CASKIN2: variants seen among roughly 807,000 people sequenced by gnomAD.
CASKIN2 encodes the protein CASK interacting protein 2, also known as caskin-2.
In CASKIN2, 41 loss-of-function variants were observed where a neutral mutation model predicts 107.1. That is an observed-to-expected ratio of 0.38 (90% confidence interval 0.30 to 0.50). The LOEUF is 0.50. Ranked by LOEUF, CASKIN2 falls within the 20% of genes least tolerant of loss-of-function variation. The pLI, the probability that CASKIN2 is intolerant of heterozygous loss-of-function variation, is 0.92. For synonymous variants in CASKIN2, 724 were observed against 705.6 expected, an observed-to-expected ratio of 1.03 and a Z score of -0.41; for missense variants, 1,546 against 1,657.4, an observed-to-expected ratio of 0.93 and a Z score of 1.17.
rs761708343 is a variant in CASKIN2 at position 75,503,891 on chromosome 17, G to A, written c.1539C>T (p.Ala513=). The A allele has an allele frequency of 2.4e-5, 39 of 1,612,622 alleles. 1 individual carries two copies. The highest frequency in any genetic ancestry group is 6.7e-5 in the East Asian group (3 of 44,868). Residue 513 remains alanine (A), a synonymous_variant, in exon 15 of 20, where the codon GCC becomes GCT. Transcript: ENST00000321617. Reference sequence around the variant, plus strand: ...GGCTGATGGTAGGCACATCATAGCCGGCCTGCAGAAAGTGGGCAGTGTAGC... The same window carrying A: ...GGCTGATGGTAGGCACATCATAGCCAGCCTGCAGAAAGTGGGCAGTGTAGC... ...LEGYTAHFLQ[A]GYDVPTISRM... is the part of the protein sequence containing the mutation.
chr17:75,514,053 G>C lies in CASKIN2; in HGVS notation c.-249C>G, dbSNP rs1015077278. 2 of 584,186 alleles carry C rather than the reference G, an allele frequency of 3.4e-6. No individual in the cohort carries two copies. The highest frequency in any genetic ancestry group is 3.7e-5 in the African/African-American group (2 of 53,638). The allele number at this position is 584,186 out of a possible 1,614,324, so 36.2% of individuals were successfully genotyped here. On this transcript the variant is annotated 5_prime_UTR_variant, in exon 2 of 20. It adds an upstream start codon to the 5' untranslated region. Transcript: ENST00000321617. ...GGGGTGAAGGCTACATGGAAATCTG[G>C]ATGGATATCAGCTTGTGGCTTCCGA...
chr17:75,506,278 T>C lies in CASKIN2; in HGVS notation c.726+27A>G. On this transcript the variant is annotated intron_variant, in intron 8 of 19. Transcript: ENST00000321617. This position sits in a 1 kb window ranked among gnomAD's most constrained non-coding sequence, Gnocchi z 4.8. The stretch of plus-strand genomic sequence containing the variant: ...ACAGGGCAGAGGCTCCATGGACACC[T>C]GCGAGGGAGCAGGGGCCCATACCCA... 3 of 1,576,016 alleles carry C rather than the reference T, an allele frequency of 1.9e-6. No homozygotes were observed. The highest frequency in any genetic ancestry group is 2.6e-6 in the Non-Finnish European group (3 of 1,150,184).
intron 2 of CASKIN2, among the ~76,000 whole-genome samples, chr17:75,512,860 A>T (rs1271959357): frequency 6.6e-6 from 1 of 151,008 alleles, no homozygotes; most frequent in Non-Finnish European, 1.5e-5. Context: ...AGATCATGCC[A>T]CTGCACTCCA....
Position 75,505,254 on chromosome 17 carries a change from T to C in CASKIN2, c.931-181A>G. ...CCTGCTGCCAGCAGCCAGCTCAATC[T>C]CCCCTGTGCCTCCAGGGCGAGCCCC... On this transcript the variant is annotated intron_variant, in intron 10 of 19. Coordinates refer to ENST00000321617, the MANE Select transcript of CASKIN2 (RefSeq NM_020753.5). This position sits in a 1 kb window ranked among gnomAD's most constrained non-coding sequence, Gnocchi z 5.1. 2 of 715,650 alleles carry C rather than the reference T, an allele frequency of 2.8e-6. No homozygotes were observed. Among genetic ancestry groups the C allele is most frequent in the Non-Finnish European group, 2.3e-6 (1 of 434,260 alleles). The allele number at this position is 715,650 out of a possible 1,614,324, so 44.3% of individuals were successfully genotyped here.
rs755722677 is a variant in CASKIN2 at position 75,513,702 on chromosome 17, G to C, written c.94+9C>G. ...CCTCAGCGGGATGCTCGTCCCACCC[G>C]GTACTCACTTGTCTTTGTGGCCTTG... On this transcript the variant is annotated intron_variant, in intron 2 of 19. Transcript: ENST00000321617. The C allele has an allele frequency of 6.4e-5, 91 of 1,412,004 alleles. No homozygotes were observed. The highest frequency in any genetic ancestry group is 8.4e-5 in the Non-Finnish European group (88 of 1,049,898). The allele number at this position is 1,412,004 out of a possible 1,614,324, so 87.5% of individuals were successfully genotyped here. A position where few individuals can be genotyped will look rare whatever the true frequency, so the allele number is the denominator to read the frequency against.
In CASKIN2 at chr17:75,504,987, C is replaced by T. The variant is rs201153486; in HGVS notation, c.1017G>A (p.Pro339=). Residue 339 remains proline (P), a synonymous_variant, in exon 11 of 20, where the codon CCG becomes CCA. Transcript: ENST00000321617. ...GCTTGCTGACCACCTCGACAATGCC[C>T]GGGGGGAAGTAGCCTATGCGGTCTG... ...RGTDRIGYFP[P]GIVEVVSKRV... 55 of 1,612,118 alleles carry T rather than the reference C, an allele frequency of 3.4e-5. No individual in the cohort carries two copies. Among genetic ancestry groups the T allele is most frequent in the Non-Finnish European group, 4.2e-5 (49 of 1,179,770 alleles).
At chr17:75,501,447 T>C (rs762981578) in intron 19 of CASKIN2, 21 bp downstream of exon 19, 7 of 1,595,182 alleles carry the variant, frequency 4.4e-6, no homozygotes, top group Admixed American at 1.7e-5. Flanking sequence ...CTTCTCTCCC[T>C]CCCCATCCGG....
intron 13 of CASKIN2, 57 bp from the exon 14 acceptor site, chr17:75,504,363 C>T (rs2053240800): frequency 6.3e-7 from 1 of 1,596,164 alleles, no homozygotes; most frequent in Non-Finnish European, 8.6e-7. Flanking sequence ...GGTGCCCACC[C>T]TCGGCCTCCT....
chr17:75,502,735 T>G lies in CASKIN2; in HGVS notation c.2339A>C (p.Tyr780Ser). The G allele has an allele frequency of 6.3e-7, 1 of 1,579,668 alleles. No homozygotes were observed. Residue 780 changes from tyrosine (Y) to serine (S), a missense_variant, in exon 18 of 20, where the codon TAC becomes TCC. Tyr to Ser is a moderately radical substitution (Grantham distance 144). Coordinates refer to ENST00000321617, the MANE Select transcript of CASKIN2 (RefSeq NM_020753.5). This position sits in a 1 kb window ranked among gnomAD's most constrained non-coding sequence, Gnocchi z 4.3. ...GGGAGTGGCAGGGGGCCCGGCCAAG[T>G]AGGAGAAGGCCCAGGGTGCGCCAGG... ...PPPGAPWAFS[Y>S]LAGPPATPPD...
Position 75,502,628 on chromosome 17 carries a change from C to T in CASKIN2, c.2446G>A (p.Glu816Lys), listed in dbSNP as rs547029082. Residue 816 changes from glutamate to lysine, a missense_variant, in exon 18 of 20, where the codon GAA becomes AAA. Coordinates refer to ENST00000321617, the MANE Select transcript of CASKIN2 (RefSeq NM_020753.5). The surrounding 1 kb of genome is among the most constrained non-coding windows in gnomAD (Gnocchi z 4.3). The part of the protein sequence containing the change: ...PTEGDAEGEA[E>K]GPVGSTLGSY... ...CCTAGGGTGCTGCCCACTGGCCCTT[C>T]GGCCTCCCCCTCAGCATCCCCCTCT... 28 of 1,604,964 alleles carry T rather than the reference C, an allele frequency of 1.7e-5. No individual in the cohort carries two copies. The East Asian group carries it at 2.2e-4, about 13-fold the overall frequency.
At position 75,504,619 on chromosome 17, in the gene CASKIN2, C is replaced by T; in HGVS notation, c.1267G>A (p.Glu423Lys). The change falls in exon 12 of 20, where the codon GAG (glutamate) becomes AAG (lysine). Residue 423 changes from glutamate (E) to lysine (K), a missense_variant. Physicochemically the swap from Glu to Lys is moderately conservative, Grantham distance 56. This residue lies in a region of CASKIN2 where 1,311 missense variants were observed against 1,311.0 expected (regional missense o/e 1.00). Coordinates refer to ENST00000321617, the MANE Select transcript of CASKIN2 (RefSeq NM_020753.5). ...CCAGGGCCATGGCCATTAGTGCCCT[C>T]AGAGCTCTGCCCGCTGCCGGCACTG... ...IRSAGSGQSS[E>K]GTNGHGPGLL... is the part of the protein sequence containing the mutation. 3 of 1,609,136 alleles carry T rather than the reference C, an allele frequency of 1.9e-6. No individual in the cohort carries two copies. The highest frequency in any genetic ancestry group is 1.7e-6 in the Non-Finnish European group (2 of 1,177,208).
chr17:75,504,866 G>A lies in CASKIN2; in HGVS notation c.1138C>T (p.His380Tyr), dbSNP rs752621208. ...TPQPPAEEPP[H>Y]PLTYSQLPRV... ...GGAAGCTGGCTGTAGGTAAGAGGGT[G>A]CGGGGGTTCTTCGGCAGGAGGCTGC... Residue 380 changes from histidine (H) to tyrosine (Y), a missense_variant, in exon 11 of 20, where the codon CAC becomes TAC. By Grantham distance (83) the His-to-Tyr change is moderately conservative (BLOSUM62 2). Transcript: ENST00000321617. 5.6e-6 allele frequency: 9 copies of A among 1,611,480 alleles called. No individual in the cohort carries two copies. The highest frequency in any genetic ancestry group is 4.0e-5 in the African/African-American group (3 of 74,850).
chr17:75,509,610 A>G, intron 2 of CASKIN2: 2 of 985,688 alleles, frequency 2.0e-6, no homozygotes, highest in Non-Finnish European at 2.4e-6. Flanking sequence ...GTCCCCTTGG[A>G]AAGTCCTTGT....
At position 75,505,263 on chromosome 17, in the gene CASKIN2, C is replaced by T; in HGVS notation, c.931-190G>A. 1.4e-6 allele frequency: 1 copy of T among 691,706 alleles called. No individual in the cohort carries two copies. Among genetic ancestry groups the T allele is most frequent in the Non-Finnish European group, 2.4e-6 (1 of 414,388 alleles). The allele number at this position is 691,706 out of a possible 1,614,324, so 42.8% of individuals were successfully genotyped here. On this transcript the variant is annotated intron_variant, in intron 10 of 19. Coordinates refer to ENST00000321617, the MANE Select transcript of CASKIN2 (RefSeq NM_020753.5). This position sits in a 1 kb window ranked among gnomAD's most constrained non-coding sequence, Gnocchi z 5.1. The stretch of plus-strand genomic sequence containing the variant: ...AGCAGCCAGCTCAATCTCCCCTGTG[C>T]CTCCAGGGCGAGCCCCAGTGGCAGC...
Position 75,507,680 on chromosome 17 carries a change from ATCT to A in CASKIN2, c.147-2_147del. 1 of 1,610,958 alleles carries A rather than the reference ATCT, an allele frequency of 6.2e-7. No individual in the cohort carries two copies. The highest frequency in any genetic ancestry group is 8.5e-7 in the Non-Finnish European group (1 of 1,178,236). The stretch of plus-strand genomic sequence containing the variant: ...AAAGCAGCGTGGTGGAGGGCAGAGA[ATCT>A]GATGTGGGAGGACACAAAGTTAGGG... On this transcript the variant is annotated splice_acceptor_variant and coding_sequence_variant, in exon 4 of 20. Coordinates refer to ENST00000321617, the MANE Select transcript of CASKIN2 (RefSeq NM_020753.5). LOFTEE classifies it high-confidence loss of function.
chr17:75,508,507 C>A (rs997953877), intron 2 of CASKIN2, among the ~76,000 whole-genome samples: 1 of 152,206 alleles, frequency 6.6e-6, no homozygotes, highest in Non-Finnish European at 1.5e-5. Flanking sequence ...GGGCTGGCTT[C>A]CCCTCGCCCC....
In CASKIN2 at chr17:75,500,920, GTGGTGCC is replaced by G; in HGVS notation, c.*153_*159del. 1 of 655,916 alleles carries G rather than the reference GTGGTGCC, an allele frequency of 1.5e-6. No homozygotes were observed. The allele number at this position is 655,916 out of a possible 1,614,324, so 40.6% of individuals were successfully genotyped here. On this transcript the variant is annotated 3_prime_UTR_variant, in exon 20 of 20. Transcript: ENST00000321617. ...TAAGGTGGGCTGCCCCACAAGAGCT[GTGGTGCC>G]CACAGCCGCGGGCTGAGTGGGAAGG... is the stretch of plus-strand genomic sequence containing the variant.
In CASKIN2 at chr17:75,507,057, G is replaced by A. The variant is rs752273306; in HGVS notation, c.317C>T (p.Ala106Val). 3.1e-6 allele frequency: 5 copies of A among 1,612,150 alleles called. No homozygotes were observed. Among genetic ancestry groups the A allele is most frequent in the Non-Finnish European group, 3.4e-6 (4 of 1,179,762 alleles). ...EPVRLLLRASAAVNAASLDGQ... is the reference protein window; with the variant it reads ...EPVRLLLRASVAVNAASLDGQ... ...GTCCAGCGAGGCGGCATTGACAGCC[G>A]CAGAGGCGCGCAGCAGCAGCCTCAC... Residue 106 changes from alanine to valine, a missense_variant, in exon 5 of 20, where the codon GCG becomes GTG. Physicochemically the swap from Ala to Val is moderately conservative, Grantham distance 64. This residue lies in a region of CASKIN2 where 136 missense variants were observed against 198.6 expected (regional missense o/e 0.68). Coordinates refer to ENST00000321617, the MANE Select transcript of CASKIN2 (RefSeq NM_020753.5).
Position 75,502,739 on chromosome 17 carries a change from A to C in CASKIN2, c.2335T>G (p.Ser779Ala). ...GTGGCAGGGGGCCCGGCCAAGTAGGAGAAGGCCCAGGGTGCGCCAGGAGGT... is the reference window on the plus strand; with the variant it reads ...GTGGCAGGGGGCCCGGCCAAGTAGGCGAAGGCCCAGGGTGCGCCAGGAGGT... ...GPPPGAPWAF[S>A]YLAGPPATPP... The change falls in exon 18 of 20, where the codon TCC becomes GCC. Residue 779 changes from serine to alanine, a missense_variant. By Grantham distance (99) the Ser-to-Ala change is moderately conservative. Around this residue, in one of 6 missense-constraint regions of CASKIN2, gnomAD observed 1,311 missense variants for 1,311.0 expected, o/e 1.00. Transcript: ENST00000321617. The surrounding 1 kb of genome is among the most constrained non-coding windows in gnomAD (Gnocchi z 4.3). The C allele has an allele frequency of 1.3e-6, 2 of 1,586,166 alleles. No homozygotes were observed. Among genetic ancestry groups the C allele is most frequent in the African/African-American group, 1.4e-5 (1 of 73,650 alleles).
Sources: gnomAD v4.1 joint callset for allele counts (sites outside exome capture counted in the v4.1 genomes callset) on GRCh38, gnomAD v4.1.1 for gene constraint, gnomAD v4.1.1 regional missense constraint, Gnocchi (gnomAD v3.1) non-coding constraint, MANE v1.5 for transcripts, NCBI Gene and HGNC (gene_info 2026-07-23, HGNC 2026-07-21) for gene names.